Variants in FAT4 observed in about 807,000 individuals in gnomAD.
The protein encoded by FAT4 is protocadherin Fat 4.
FAT4 carries 84 observed loss-of-function variants against 303.9 expected under a neutral mutation model. The observed-to-expected ratio is 0.28, with a 90% CI of 0.23 to 0.33. FAT4 has a LOEUF of 0.33. Among genes scored for constraint, FAT4 ranks in the 10% least tolerant of loss-of-function variants. The pLI, the probability that FAT4 is intolerant of heterozygous loss-of-function variation, is 1.00. For synonymous variants in FAT4, 2,307 were observed against 2,298.8 expected, an observed-to-expected ratio of 1.00 and a Z score of -0.10; for missense variants, 6,005 against 6,146.8, an observed-to-expected ratio of 0.98 and a Z score of 0.77.
chr4:125,449,527 T>C lies in FAT4; in HGVS notation c.8517T>C (p.Asp2839=), dbSNP rs1238748970. ...IVISRPLNRE[D]TDRYRIRVSA... is the part of the protein sequence containing the mutation. ...TAAGCAGACCTTTAAATAGGGAAGA[T>C]ACAGACCGTTACAGAATTCGAGTTT... Residue 2839 remains aspartate, a synonymous_variant, in exon 10 of 18, where the codon GAT becomes GAC. Coordinates refer to ENST00000394329, the MANE Select transcript of FAT4 (RefSeq NM_001291303.3). The C allele has an allele frequency of 6.2e-7, 1 of 1,613,680 alleles. No individual in the cohort carries two copies. The highest frequency in any genetic ancestry group is 8.5e-7 in the Non-Finnish European group (1 of 1,179,698).
intron 2 of FAT4, among the ~76,000 whole-genome samples, chr4:125,384,401 C>T (rs955536829): frequency 1.3e-5 from 2 of 152,158 alleles, no homozygotes; most frequent in Non-Finnish European, 2.9e-5. Flanking sequence ...TTTCATATCT[C>T]AAATGACTAA....
chr4:125,414,995 A>C lies in FAT4; in HGVS notation c.6032A>C (p.Gln2011Pro). The C allele has an allele frequency of 1.2e-6, 2 of 1,614,058 alleles. No homozygotes were observed. The highest frequency in any genetic ancestry group is 1.7e-6 in the Non-Finnish European group (2 of 1,179,970). ...KVLKALDRES[Q>P]SFYNLVVQVH... is the part of the protein sequence containing the mutation. ...CTAAAAGCTTTGGATCGGGAAAGTC[A>C]GTCCTTCTACAACTTGGTTGTTCAA... The change falls in exon 6 of 18, where the codon CAG (glutamine) becomes CCG (proline). Residue 2011 changes from glutamine to proline, a missense_variant. Transcript: ENST00000394329.
rs758060257 is a variant in FAT4, at chr4:125,321,318, C to A, written c.4907C>A (p.Thr1636Asn). Residue 1636 changes from threonine (T) to asparagine (N), a missense_variant, in exon 2 of 18, where the codon ACT becomes AAT. Transcript: ENST00000394329. ...GTTTTTACTCAACCCAAATATATAA[C>A]TATTTTGAAGGAAGGAGAACCCATT... is the stretch of plus-strand genomic sequence containing the variant. ...GPVFTQPKYITILKEGEPIGT... is the reference protein window; with the variant it reads ...GPVFTQPKYINILKEGEPIGT... The A allele has an allele frequency of 1.2e-6, 2 of 1,614,088 alleles. No homozygotes were observed. Among genetic ancestry groups the A allele is most frequent in the Non-Finnish European group, 8.5e-7 (1 of 1,179,996 alleles).
rs752141714 is a variant in FAT4, at chr4:125,319,722, A to G, written c.3311A>G (p.Asn1104Ser). ...AACAGACCTCTTTTTAACAGTACCA[A>G]TTACACATTTTACTTCGAAGAAGAG... ...NDNRPLFNST[N>S]YTFYFEEEQR... Residue 1104 changes from asparagine (N) to serine (S), a missense_variant, in exon 2 of 18, where the codon AAT becomes AGT. By Grantham distance (46) the Asn-to-Ser change is conservative (BLOSUM62 1). Coordinates refer to ENST00000394329, the MANE Select transcript of FAT4 (RefSeq NM_001291303.3). 5 of 1,614,142 alleles carry G rather than the reference A, an allele frequency of 3.1e-6. No individual in the cohort carries two copies. Among genetic ancestry groups the G allele is most frequent in the African/African-American group, 1.3e-5 (1 of 75,068 alleles).
At position 125,468,818 on chromosome 4, in the gene FAT4, T is replaced by C. The variant is rs1416867277; in HGVS notation, c.12212T>C (p.Met4071Thr). Residue 4071 changes from methionine to threonine, a missense_variant and splice_region_variant, in exon 12 of 18, where the codon ATG becomes ACG. Transcript: ENST00000394329. ...ACTGTGATTGCCAGGAGAGCAGGAA[T>C]GGTAAGATATTTCATTTTATTGTTG... The part of the protein sequence containing the change: ...FHTVIARRAG[M>T]AASLTVDSCS... The C allele has an allele frequency of 6.2e-7, 1 of 1,603,334 alleles. No individual in the cohort carries two copies. The highest frequency in any genetic ancestry group is 1.1e-5 in the South Asian group (1 of 90,186).
intron 8 of FAT4, among the ~76,000 whole-genome samples, chr4:125,437,007 A>G (rs952358574): frequency 6.6e-6 from 1 of 152,030 alleles, no homozygotes; most frequent in Non-Finnish European, 1.5e-5. Context: ...GGTGCACGCC[A>G]CCACACTCGG....
intron 2 of FAT4, among the ~76,000 whole-genome samples, chr4:125,391,432 T>G (rs6534477): frequency 6.6e-6 from 1 of 151,994 alleles, no homozygotes; most frequent in Non-Finnish European, 1.5e-5. Flanking sequence ...AAAACCATAT[T>G]CTGCATGCTC....
At chr4:125,480,871 C>T (rs1727200415) in intron 15 of FAT4, among the ~76,000 whole-genome samples, 1 of 151,980 alleles carries the variant, frequency 6.6e-6, no homozygotes, top group South Asian at 2.1e-4. Context: ...TAAAGTGTAT[C>T]TTTCAGGGCT....
Position 125,318,428 on chromosome 4 carries a change from G to T in FAT4, c.2017G>T (p.Ala673Ser). The change falls in exon 2 of 18, where the codon GCT (alanine) becomes TCT (serine). Residue 673 changes from alanine (A) to serine (S), a missense_variant. Transcript: ENST00000394329. Reference sequence around the variant, plus strand: ...GGGCTCCCCTCCCCAGTCATCAATGGCTCGCATAAATGTGAGTCTTCTGGA... The same window carrying T: ...GGGCTCCCCTCCCCAGTCATCAATGTCTCGCATAAATGTGAGTCTTCTGGA... ...DLGSPPQSSM[A>S]RINVSLLDIN... 6.2e-7 allele frequency: 1 copy of T among 1,614,154 alleles called. No individual in the cohort carries two copies. Among genetic ancestry groups the T allele is most frequent in the Non-Finnish European group, 8.5e-7 (1 of 1,180,030 alleles).
At chr4:125,459,395 C>T (rs1726404366) in intron 10 of FAT4, among the ~76,000 whole-genome samples, 1 of 152,028 alleles carries the variant, frequency 6.6e-6, no homozygotes, top group Non-Finnish European at 1.5e-5. Flanking sequence ...TGCCCCCAAA[C>T]ATGAAAATAG....
intron 10 of FAT4, among the ~76,000 whole-genome samples, chr4:125,456,345 C>G (rs553614204): frequency 6.6e-6 from 1 of 152,210 alleles, no homozygotes; most frequent in Admixed American, 6.5e-5. Context: ...TATACATTAA[C>G]GTTACATACT....
chr4:125,472,995 A>G (rs1726915101), intron 12 of FAT4, among the ~76,000 whole-genome samples: 1 of 152,128 alleles, frequency 6.6e-6, no homozygotes, highest in Non-Finnish European at 1.5e-5. Flanking sequence ...CTTAGTGTTA[A>G]TATTTTCCAG....
At chr4:125,394,077 G>T in intron 2 of FAT4, 1 of 746,626 alleles carries the variant, frequency 1.3e-6, no homozygotes, top group South Asian at 1.4e-5. Flanking sequence ...ATTTTTAAAG[G>T]ACCAGATATC....
chr4:125,318,260 A>G lies in FAT4; in HGVS notation c.1849A>G (p.Thr617Ala). 1 of 1,614,190 alleles carries G rather than the reference A, an allele frequency of 6.2e-7. No homozygotes were observed. Residue 617 changes from threonine to alanine, a missense_variant, in exon 2 of 18, where the codon ACA becomes GCA. Transcript: ENST00000394329. ...ATDGDLGDNG[T>A]VRFSLQEAET... ...TGACGGGGACCTGGGTGACAACGGA[A>G]CAGTGCGCTTCTCCTTACAAGAGGC...
chr4:125,485,270 T>A (rs1266349290), intron 16 of FAT4, among the ~76,000 whole-genome samples: 1 of 23,386 alleles, frequency 4.3e-5, no homozygotes, highest in Admixed American at 7.3e-4. Flanking sequence ...TGTAACTCTT[T>A]TAGTTTATAA....
intron 2 of FAT4, among the ~76,000 whole-genome samples, chr4:125,330,426 A>T (rs141905437): frequency 7.1e-4 from 108 of 152,192 alleles, no homozygotes; most frequent in African/African-American, 2.5e-3. Context: ...TAGTTGTTGA[A>T]TTTTTTCTCT....
At chr4:125,427,501 A>G (rs1449809052) in intron 7 of FAT4, among the ~76,000 whole-genome samples, 1 of 152,076 alleles carries the variant, frequency 6.6e-6, no homozygotes. Flanking sequence ...ATTATTTTAT[A>G]AAACAGAATT....
chr4:125,442,953 A>AAG (rs10682761), intron 8 of FAT4, among the ~76,000 whole-genome samples: 151,196 of 152,220 alleles, frequency 0.99, 75,094 homozygotes, highest in Middle Eastern at 1. Context: ...ACCAAATAAA[A>AAG]AGTAAAATAT....
chr4:125,433,457 T>G (rs1725346392), intron 7 of FAT4, among the ~76,000 whole-genome samples: 1 of 152,226 alleles, frequency 6.6e-6, no homozygotes, highest in Non-Finnish European at 1.5e-5. Flanking sequence ...ATAATTTGTC[T>G]TTCAGTTATG....
Sources: gnomAD v4.1 joint callset for allele counts (sites outside exome capture counted in the v4.1 genomes callset) on GRCh38, gnomAD v4.1.1 for gene constraint, MANE v1.5 for transcripts, NCBI Gene and HGNC (gene_info 2026-07-23, HGNC 2026-07-21) for gene names.